CHSY3: variants seen among roughly 807,000 people sequenced by gnomAD.
CHSY3 encodes the protein chondroitin sulfate synthase 3.
In CHSY3, 35 loss-of-function variants were observed where a neutral mutation model predicts 67.2. The ratio of observed to expected loss-of-function variants is 0.52; its 90% CI spans 0.40 to 0.69. CHSY3 has a LOEUF of 0.69. Among genes scored for constraint, CHSY3 ranks in the 30% least tolerant of loss-of-function variants. The probability of loss-of-function intolerance (pLI) is 0.00; values close to 1 mark genes in which losing one functional copy is unlikely to be tolerated. For missense variants in CHSY3, 1,069 were observed against 1,138.5 expected, an observed-to-expected ratio of 0.94 and a Z score of 0.88; for synonymous variants, 474 against 434.7, an observed-to-expected ratio of 1.09 and a Z score of -1.12.
chr5:129,973,614 C>T (rs1271859775), intron 2 of CHSY3, among the ~76,000 whole-genome samples: 1 of 152,066 alleles, frequency 6.6e-6, no homozygotes, highest in Non-Finnish European at 1.5e-5. Context: ...TTGCAGTAGT[C>T]TATATTGTCA....
intron 2 of CHSY3, among the ~76,000 whole-genome samples, chr5:130,001,166 AC>A (rs1321697345): frequency 6.6e-6 from 1 of 151,988 alleles, no homozygotes; most frequent in African/African-American, 2.4e-5. Context: ...AGCATGAGCC[AC>A]CACGCCTGGC....
intron 2 of CHSY3, among the ~76,000 whole-genome samples, chr5:130,171,210 G>A (rs1475212686): frequency 3.9e-5 from 6 of 152,054 alleles, no homozygotes; most frequent in Non-Finnish European, 8.8e-5. Flanking sequence ...ATCATCTAGC[G>A]TTATCTTAAC....
At chr5:130,120,649 A>G (rs1027487080) in intron 2 of CHSY3, among the ~76,000 whole-genome samples, 1 of 152,168 alleles carries the variant, frequency 6.6e-6, no homozygotes, top group African/African-American at 2.4e-5. Flanking sequence ...ACTAACTTCT[A>G]TTCCTCAATT....
intron 2 of CHSY3, among the ~76,000 whole-genome samples, chr5:130,138,074 A>C (rs767223025): frequency 4.6e-5 from 7 of 152,104 alleles, no homozygotes; most frequent in Non-Finnish European, 1.0e-4. Flanking sequence ...ACAAATACAA[A>C]ATACAAAAAA....
intron 2 of CHSY3, among the ~76,000 whole-genome samples, chr5:130,094,521 G>C (rs1239872533): frequency 6.6e-6 from 1 of 152,060 alleles, no homozygotes; most frequent in Non-Finnish European, 1.5e-5. Flanking sequence ...TTTTTGTCTG[G>C]TGTCAGGAGT....
chr5:130,065,295 C>G (rs1165178591), intron 2 of CHSY3, among the ~76,000 whole-genome samples: 1 of 151,924 alleles, frequency 6.6e-6, no homozygotes, highest in Non-Finnish European at 1.5e-5. Flanking sequence ...GAAAAATTCT[C>G]TCTTAACAAT....
chr5:129,984,100 G>T (rs191442217), intron 2 of CHSY3, among the ~76,000 whole-genome samples: 1 of 152,144 alleles, frequency 6.6e-6, no homozygotes, highest in Non-Finnish European at 1.5e-5. Context: ...GTGTGTTGCG[G>T]GAGTTTGATG....
intron 2 of CHSY3, among the ~76,000 whole-genome samples, chr5:129,973,803 T>G (rs569526411): frequency 2.0e-4 from 31 of 152,268 alleles, no homozygotes; most frequent in Non-Finnish European, 3.8e-4. Flanking sequence ...TTTAGTCTTA[T>G]AGTTCTTCAG....
chr5:130,138,295 C>T (rs778673208), intron 2 of CHSY3, among the ~76,000 whole-genome samples: 1 of 152,168 alleles, frequency 6.6e-6, no homozygotes, highest in African/African-American at 2.4e-5. Context: ...CACATCTCCT[C>T]AGGCGTCTAA....
chr5:130,161,902 T>A (rs1769555402), intron 2 of CHSY3, among the ~76,000 whole-genome samples: 1 of 151,740 alleles, frequency 6.6e-6, no homozygotes, highest in Admixed American at 6.6e-5. Context: ...TAGTCAGATG[T>A]GGTGGTGTGC....
chr5:130,164,677 C>A (rs958320566), intron 2 of CHSY3, among the ~76,000 whole-genome samples: 6 of 151,912 alleles, frequency 3.9e-5, no homozygotes, highest in African/African-American at 1.4e-4. Context: ...CTGCCCTGCA[C>A]CATTTACAGG....
chr5:129,930,619 A>T (rs1414766343), intron 2 of CHSY3, among the ~76,000 whole-genome samples: 3 of 151,862 alleles, frequency 2.0e-5, no homozygotes, highest in Non-Finnish European at 4.4e-5. Flanking sequence ...GAGGACGGTC[A>T]GGCTAGTTTC....
At chr5:130,016,689 G>A (rs556823505) in intron 2 of CHSY3, among the ~76,000 whole-genome samples, 15 of 152,340 alleles carry the variant, frequency 9.8e-5, no homozygotes, top group Admixed American at 2.0e-4. Context: ...GATCACAGGC[G>A]TGAGCCACCG....
intron 2 of CHSY3, among the ~76,000 whole-genome samples, chr5:130,134,980 G>A (rs78306998): frequency 6.6e-6 from 1 of 151,548 alleles, no homozygotes; most frequent in African/African-American, 2.4e-5. Flanking sequence ...CTTATCTTTC[G>A]AGACATATTA....
chr5:130,119,792 A>G (rs995169296), intron 2 of CHSY3, among the ~76,000 whole-genome samples: 1 of 152,178 alleles, frequency 6.6e-6, no homozygotes, highest in Admixed American at 6.5e-5. Flanking sequence ...TCTACTTACT[A>G]TCACTCCTCT....
intron 2 of CHSY3, among the ~76,000 whole-genome samples, chr5:130,054,391 A>G (rs916755784): frequency 1.4e-4 from 21 of 152,210 alleles, no homozygotes; most frequent in African/African-American, 4.8e-4. Flanking sequence ...GCTGCTTTTC[A>G]TGGCATTGGC....
At chr5:130,097,571 G>A (rs1028369773) in intron 2 of CHSY3, among the ~76,000 whole-genome samples, 1 of 152,174 alleles carries the variant, frequency 6.6e-6, no homozygotes, top group Non-Finnish European at 1.5e-5. Flanking sequence ...TTGGATTTTT[G>A]AAACACTGGT....
chr5:130,159,809 T>A (rs556850667), intron 2 of CHSY3, among the ~76,000 whole-genome samples: 2 of 152,342 alleles, frequency 1.3e-5, no homozygotes, highest in East Asian at 3.9e-4. Context: ...CAGTGATCAC[T>A]GTAAATTAGC....
chr5:130,162,301 T>C (rs749677091), intron 2 of CHSY3, among the ~76,000 whole-genome samples: 3 of 152,140 alleles, frequency 2.0e-5, no homozygotes, highest in Non-Finnish European at 4.4e-5. Flanking sequence ...TGTTTTCACA[T>C]AACTGTCCTC....
Sources: allele counts gnomAD v4.1 joint callset (sites outside exome capture counted in the v4.1 genomes callset), GRCh38; gene constraint gnomAD v4.1.1; transcripts MANE v1.5; gene names NCBI Gene and HGNC (gene_info 2026-07-23, HGNC 2026-07-21).